The following LEF1 variants were observed in gnomAD, a reference collection of about 807,000 sequenced individuals.
The protein encoded by LEF1 is lymphoid enhancer binding factor 1.
A neutral mutation model predicts 51.2 loss-of-function variants in LEF1; 14 were observed. The observed-to-expected ratio is 0.27, with a 90% confidence interval of 0.18 to 0.43. LEF1 has a LOEUF of 0.43. Among genes scored for constraint, LEF1 ranks in the 20% least tolerant of loss-of-function variants. The probability of loss-of-function intolerance (pLI) is 1.00; values close to 1 mark genes in which losing one functional copy is unlikely to be tolerated. For missense variants in LEF1, 386 were observed against 512.0 expected (o/e 0.75, Z 2.37); for synonymous variants, 185 against 183.2 (o/e 1.01, Z -0.08).
intron 8 of LEF1, among the ~76,000 whole-genome samples, chr4:108,077,042 A>G (rs1738909681): frequency 6.6e-6 from 1 of 151,354 alleles, no homozygotes; most frequent in Admixed American, 6.6e-5. Context: ...AAAAAAAAAA[A>G]AAGAATGATA....
chr4:108,064,692 CAAT>C (rs200151189), intron 9 of LEF1, among the ~76,000 whole-genome samples: 1 of 15,096 alleles, frequency 6.6e-5, no homozygotes, highest in Non-Finnish European at 4.4e-4. Context: ...CACACACACA[CAAT>C]GATGTCTTAG....
At chr4:108,075,716 G>C (rs1458464013) in intron 8 of LEF1, among the ~76,000 whole-genome samples, 1 of 152,126 alleles carries the variant, frequency 6.6e-6, no homozygotes, top group Non-Finnish European at 1.5e-5. Flanking sequence ...TATGTCTTTT[G>C]GCTGACAGTT....
chr4:108,077,175 CA>C (rs201048656), intron 8 of LEF1, among the ~76,000 whole-genome samples: 2,724 of 149,632 alleles, frequency 0.018, 67 homozygotes, highest in African/African-American at 0.056. Flanking sequence ...CACATCTCTA[CA>C]AAATTTTTTT....
intron 11 of LEF1, among the ~76,000 whole-genome samples, chr4:108,049,126 G>A (rs530960202): frequency 1.1e-4 from 16 of 152,302 alleles, no homozygotes; most frequent in Non-Finnish European, 2.1e-4. Context: ...TCATTCTGCA[G>A]TGTTTGGTGT....
intron 3 of LEF1, among the ~76,000 whole-genome samples, chr4:108,100,729 G>A (rs945168537): frequency 3.9e-5 from 6 of 152,114 alleles, no homozygotes; most frequent in African/African-American, 1.4e-4. Context: ...ATTGGTCATG[G>A]TAGGATTATT....
At position 108,106,355 on chromosome 4, in the gene LEF1, G is replaced by T. The variant is rs79151491; in HGVS notation, c.415-17098C>A. Among the ~76,000 whole-genome samples, 8 of 152,226 alleles carry T rather than the reference G, an allele frequency of 5.3e-5. 1 individual carries two copies. The highest frequency in any genetic ancestry group is 1.7e-4 in the African/African-American group (7 of 41,504). ...TTAGGAGATGAAACTCCAGGCAGGA[G>T]GTAATAAGGAAGGGAAGAAGACAGT... On this transcript the variant is annotated intron_variant, in intron 3 of 11. Transcript: ENST00000265165.
chr4:108,158,711 C>T (rs907903116), intron 3 of LEF1, among the ~76,000 whole-genome samples: 23 of 151,528 alleles, frequency 1.5e-4, no homozygotes, highest in Non-Finnish European at 1.5e-5. Flanking sequence ...ATGGTTCTGT[C>T]TAAAGAACAT....
chr4:108,166,219 C>A, intron 1 of LEF1: 1 of 1,522,876 alleles, frequency 6.6e-7, no homozygotes, highest in South Asian at 1.2e-5. Context: ...GGGTAAAGAA[C>A]ACCATTCTGT....
intron 1 of LEF1, chr4:108,166,412 T>C (rs1465641706): frequency 3.5e-6 from 5 of 1,420,014 alleles, no homozygotes; most frequent in East Asian, 5.3e-5. Context: ...AGGTATATCC[T>C]CCAAGTTTCT....
At chr4:108,139,663 T>C (rs1743515125) in intron 3 of LEF1, among the ~76,000 whole-genome samples, 1 of 152,234 alleles carries the variant, frequency 6.6e-6, no homozygotes, top group Admixed American at 6.5e-5. Flanking sequence ...GAATGAAATA[T>C]GTGCTGCCAT....
In LEF1 at chr4:108,115,845, A is replaced by C. The variant is rs139755278; in HGVS notation, c.415-26588T>G. On this transcript the variant is annotated intron_variant, in intron 3 of 11. Coordinates refer to ENST00000265165, the MANE Select transcript of LEF1 (RefSeq NM_016269.5). ...AAAAGGTCTGCCTATAATGTAACAC[A>C]TACACACACACACACACACACACAC... Among the ~76,000 whole-genome samples the C allele has an allele frequency of 8.2e-3, 1,121 of 136,160 alleles. 17 individuals are homozygous for C. The highest frequency in any genetic ancestry group is 0.029 in the African/African-American group (1,029 of 34,938). 89.3% of individuals were successfully genotyped at this position (136,160 alleles called of 152,430 possible).
At chr4:108,136,340 T>G (rs1444459436) in intron 3 of LEF1, among the ~76,000 whole-genome samples, 1 of 152,154 alleles carries the variant, frequency 6.6e-6, no homozygotes, top group East Asian at 1.9e-4. Flanking sequence ...CCCAAAACCT[T>G]CAAAACTTAA....
intron 9 of LEF1, among the ~76,000 whole-genome samples, chr4:108,067,799 G>A (rs916923479): frequency 3.9e-5 from 6 of 151,980 alleles, no homozygotes; most frequent in Admixed American, 2.6e-4. Context: ...CAAAGTGCTA[G>A]GATCACAGGC....
chr4:108,081,049 C>T (rs1327836414), intron 6 of LEF1, among the ~76,000 whole-genome samples: 2 of 152,126 alleles, frequency 1.3e-5, no homozygotes, highest in Non-Finnish European at 2.9e-5. Context: ...GATTCACACA[C>T]TAGGACGCAC....
intron 3 of LEF1, among the ~76,000 whole-genome samples, chr4:108,130,217 A>T (rs991889047): frequency 6.6e-6 from 1 of 152,198 alleles, no homozygotes; most frequent in African/African-American, 2.4e-5. Context: ...AGGACAGATG[A>T]TAACACTGGT....
chr4:108,083,221 G>A, intron 5 of LEF1, 135 bp downstream of exon 5: 2 of 703,778 alleles, frequency 2.8e-6, no homozygotes, highest in Non-Finnish European at 5.2e-6. Flanking sequence ...AATGAATAAA[G>A]TTAGCACCTT....
chr4:108,058,268 A>G (rs764719414), intron 11 of LEF1, among the ~76,000 whole-genome samples: 5 of 152,204 alleles, frequency 3.3e-5, no homozygotes, highest in African/African-American at 7.2e-5. Context: ...ATATCTTTTC[A>G]ATCTATATAA....
chr4:108,055,738 G>A (rs1243985491), intron 11 of LEF1, among the ~76,000 whole-genome samples: 2 of 152,138 alleles, frequency 1.3e-5, no homozygotes, highest in African/African-American at 4.8e-5. Flanking sequence ...ATTTTTTAAT[G>A]GCATCAGATC....
chr4:108,120,196 T>C (rs1742090055), intron 3 of LEF1, among the ~76,000 whole-genome samples: 2 of 151,928 alleles, frequency 1.3e-5, no homozygotes, highest in African/African-American at 4.8e-5. Flanking sequence ...CACCCCCAGA[T>C]AATTCTTTAT....
Sources: allele counts gnomAD v4.1 joint callset (sites outside exome capture counted in the v4.1 genomes callset), GRCh38; gene constraint gnomAD v4.1.1; transcripts MANE v1.5; gene names NCBI Gene and HGNC (gene_info 2026-07-23, HGNC 2026-07-21).